Variants in ADHFE1 observed in about 807,000 individuals in gnomAD.
ADHFE1 encodes hydroxyacid-oxoacid transhydrogenase, mitochondrial.
A neutral mutation model predicts 54.8 loss-of-function variants in ADHFE1; 37 were observed. The observed-to-expected ratio is 0.68, with a 90% CI of 0.52 to 0.89. The LOEUF is 0.89. Among genes scored for constraint, ADHFE1 ranks in the 40% least tolerant of loss-of-function variants. The pLI is 0.00. For missense variants in ADHFE1, 601 were observed against 591.2 expected (o/e 1.02, Z -0.17); for synonymous variants, 203 against 229.3 (o/e 0.89, Z 1.04).
Position 66,439,754 on chromosome 8 carries a change from G to A in ADHFE1, c.60-408G>A, listed in dbSNP as rs978202805. 4.5e-5 allele frequency: 46 copies of A among 1,018,198 alleles called. No homozygotes were observed. The highest frequency in any genetic ancestry group is 3.3e-4 in the African/African-American group (19 of 58,184). The allele number at this position is 1,018,198 out of a possible 1,614,324, so 63.1% of individuals were successfully genotyped here. ...ATATAAGGCAAGTTCCCAGCATAGGGTAGTAAGTAAGAAGAGGCACACAGA... is the reference window on the plus strand; with the variant it reads ...ATATAAGGCAAGTTCCCAGCATAGGATAGTAAGTAAGAAGAGGCACACAGA... On this transcript the variant is annotated intron_variant, in intron 1 of 13. Transcript: ENST00000396623. The surrounding 1 kb of genome is among the most constrained non-coding windows in gnomAD (Gnocchi z 4.4).
chr8:66,441,294 C>T (rs931313793), intron 2 of ADHFE1, among the ~76,000 whole-genome samples: 79 of 152,258 alleles, frequency 5.2e-4, no homozygotes, highest in African/African-American at 1.8e-3. Context: ...TGGAGTACAG[C>T]GGTACAGTCG....
In ADHFE1 at chr8:66,444,799, G is replaced by A. The variant is rs749090493; in HGVS notation, c.353+51G>A. Reference sequence around the variant, plus strand: ...TCTTTACTTTAAGCAGAAGCTAACTGTTGATTAAAACTTGCCCCCAACCAG... The same window carrying A: ...TCTTTACTTTAAGCAGAAGCTAACTATTGATTAAAACTTGCCCCCAACCAG... On this transcript the variant is annotated intron_variant, in intron 5 of 13. Transcript: ENST00000396623. The A allele has an allele frequency of 3.2e-5, 51 of 1,604,344 alleles. No homozygotes were observed. The Middle Eastern group carries it at 5.0e-4, about 16-fold the overall frequency.
At chr8:66,452,223 A>T in intron 9 of ADHFE1, 118 bp downstream of exon 9, 3 of 1,365,502 alleles carry the variant, frequency 2.2e-6, no homozygotes, top group Non-Finnish European at 2.9e-6. Context: ...AAAAGCAGTC[A>T]GTGGATGCGC....
At chr8:66,449,105 T>A in intron 8 of ADHFE1, 135 bp downstream of exon 8, 2 of 745,128 alleles carry the variant, frequency 2.7e-6, no homozygotes, top group Non-Finnish European at 4.4e-6. Context: ...CATTACCCCC[T>A]GTCCTAAATC....
chr8:66,456,583 T>C (rs1331940280), intron 10 of ADHFE1, among the ~76,000 whole-genome samples: 1 of 152,240 alleles, frequency 6.6e-6, no homozygotes, highest in East Asian at 1.9e-4. Flanking sequence ...TTTAATGTCA[T>C]ACAATTCTAT....
intron 6 of ADHFE1, 25 bp downstream of exon 6, chr8:66,445,439 T>C (rs1805977629): frequency 6.3e-7 from 1 of 1,576,344 alleles, no homozygotes; most frequent in Non-Finnish European, 8.6e-7. Context: ...TTTCTTTGTT[T>C]GTTTTATTTT....
intron 2 of ADHFE1, among the ~76,000 whole-genome samples, chr8:66,441,555 A>G (rs1363183129): frequency 1.3e-5 from 2 of 152,238 alleles, no homozygotes; most frequent in Non-Finnish European, 2.9e-5. Flanking sequence ...ACTTTATCGT[A>G]TGACTGACCA....
rs776534535 is a variant in ADHFE1 at position 66,468,352 on chromosome 8, A to AT, written c.*2dup. Reference sequence around the variant, plus strand: ...TTGAAGCTTCAATGAAACTGTATTAATTGTCATTTTAACTGAAAGAATTAC... The same window carrying AT: ...TTGAAGCTTCAATGAAACTGTATTAATTTGTCATTTTAACTGAAAGAATTAC... On this transcript the variant is annotated 3_prime_UTR_variant, in exon 14 of 14. Transcript: ENST00000396623. 16 of 1,611,448 alleles carry AT rather than the reference A, an allele frequency of 9.9e-6. No homozygotes were observed. In the African/African-American group the frequency reaches 2.0e-4, roughly 20 times the overall value.
At position 66,468,274 on chromosome 8, in the gene ADHFE1, G is replaced by A. The variant is rs201833836; in HGVS notation, c.1326G>A (p.Arg442=). The A allele has an allele frequency of 8.6e-5, 139 of 1,611,696 alleles. No individual in the cohort carries two copies. The highest frequency in any genetic ancestry group is 1.7e-4 in the Middle Eastern group (1 of 6,042). ...TCTTTCATTTACTGTTTCAGGAAAG[G>A]GTCACCAAGCTTGCACCCTGTCCCC... ...ALVKGTLPQE[R]VTKLAPCPQS... The change falls in exon 14 of 14, where the codon AGG becomes AGA. Residue 442 remains arginine, a synonymous_variant. Transcript: ENST00000396623.
At chr8:66,452,389 G>A (rs192358286) in intron 9 of ADHFE1, among the ~76,000 whole-genome samples, 37 of 152,182 alleles carry the variant, frequency 2.4e-4, no homozygotes, top group Non-Finnish European at 4.1e-4. Flanking sequence ...GCTCCCCAGG[G>A]CAGAAATGAG....
At chr8:66,441,833 A>G (rs1488584487) in intron 2 of ADHFE1, among the ~76,000 whole-genome samples, 1 of 151,990 alleles carries the variant, frequency 6.6e-6, no homozygotes, top group Non-Finnish European at 1.5e-5. Flanking sequence ...TTAGCCAGGC[A>G]TGGTGGTACA....
chr8:66,439,144 T>C lies in ADHFE1; in HGVS notation c.60-1018T>C, dbSNP rs1042073437. 4 of 974,898 alleles carry C rather than the reference T, an allele frequency of 4.1e-6. No homozygotes were observed. The highest frequency in any genetic ancestry group is 1.2e-4 in the Admixed American group (2 of 16,254). The allele number at this position is 974,898 out of a possible 1,614,324, so 60.4% of individuals were successfully genotyped here. ...CACTCGCCCCCGCGTCTGCTTTGACTTCGCAGTTCGAATTTTTGAGATCTG... is the reference window on the plus strand; with the variant it reads ...CACTCGCCCCCGCGTCTGCTTTGACCTCGCAGTTCGAATTTTTGAGATCTG... On this transcript the variant is annotated intron_variant, in intron 1 of 13. Coordinates refer to ENST00000396623, the MANE Select transcript of ADHFE1 (RefSeq NM_144650.3). This position sits in a 1 kb window ranked among gnomAD's most constrained non-coding sequence, Gnocchi z 4.4.
intron 13 of ADHFE1, among the ~76,000 whole-genome samples, chr8:66,462,809 T>A (rs1486687449): frequency 6.6e-6 from 1 of 152,172 alleles, no homozygotes; most frequent in Non-Finnish European, 1.5e-5. Context: ...AGACTGTCAC[T>A]TTCTTTTGTT....
chr8:66,463,862 A>T (rs1047337565), intron 13 of ADHFE1, among the ~76,000 whole-genome samples: 2 of 152,220 alleles, frequency 1.3e-5, no homozygotes, highest in African/African-American at 2.4e-5. Context: ...AGTATTCTTG[A>T]CCAAACACAG....
chr8:66,457,252 G>A (rs1489684662), intron 12 of ADHFE1, 86 bp downstream of exon 12: 14 of 1,295,772 alleles, frequency 1.1e-5, no homozygotes, highest in African/African-American at 7.4e-5. Context: ...GCTAAGTTGG[G>A]TGCATCACTT....
chr8:66,459,428 A>ATTT (rs1453155322), intron 12 of ADHFE1: 6 of 107,284 alleles, frequency 5.6e-5, no homozygotes, highest in African/African-American at 1.2e-4. Flanking sequence ...ATATATATAT[A>ATTT]TATTTTTTTT....
intron 9 of ADHFE1, among the ~76,000 whole-genome samples, chr8:66,452,951 G>A (rs963823296): frequency 3.9e-5 from 6 of 152,244 alleles, no homozygotes; most frequent in Admixed American, 3.3e-4. Context: ...CGTGAGCACG[G>A]TGCTTCCTCT....
rs751783445 is a variant in ADHFE1 at position 66,448,936 on chromosome 8, C to A, written c.700C>A (p.Arg234=). The A allele has an allele frequency of 3.1e-6, 5 of 1,614,032 alleles. No individual in the cohort carries two copies. The South Asian group carries it at 5.5e-5, about 18-fold the overall frequency. The change falls in exon 8 of 14, where the codon CGA becomes AGA. Residue 234 remains arginine (R), a synonymous_variant. Transcript: ENST00000396623. ...TCTGCACACCCTCCACATGCCTGCC[C>A]GAGTGGTCGCCAACAGTGGCTTTGA... is the stretch of plus-strand genomic sequence containing the variant. ...DPLHTLHMPA[R]VVANSGFDVL... is the part of the protein sequence containing the mutation.
Position 66,457,169 on chromosome 8 carries a change from A to G in ADHFE1, c.1162+3A>G. 1.2e-6 allele frequency: 2 copies of G among 1,610,284 alleles called. No individual in the cohort carries two copies. The highest frequency in any genetic ancestry group is 1.3e-5 in the African/African-American group (1 of 74,880). On this transcript the variant is annotated splice_donor_region_variant and intron_variant, in intron 12 of 13. Coordinates refer to ENST00000396623, the MANE Select transcript of ADHFE1 (RefSeq NM_144650.3). ...CCTGGAGATGGCAGAAATACTGGGT[A>G]TGAACCATTACTCAAAATTCTGTGA...
Sources: gnomAD v4.1 joint callset for allele counts (sites outside exome capture counted in the v4.1 genomes callset) on GRCh38, gnomAD v4.1.1 for gene constraint, Gnocchi (gnomAD v3.1) non-coding constraint, MANE v1.5 for transcripts, NCBI Gene and HGNC (gene_info 2026-07-23, HGNC 2026-07-21) for gene names.